EHBP1: variants seen among roughly 807,000 people sequenced by gnomAD.
The protein encoded by EHBP1 is EH domain-binding protein 1.
In EHBP1, 55 loss-of-function variants were observed where a neutral mutation model predicts 144.0. The ratio of observed to expected loss-of-function variants is 0.38; its 90% CI spans 0.31 to 0.48. The LOEUF is 0.48. Among genes scored for constraint, EHBP1 ranks in the 20% least tolerant of loss-of-function variants. The pLI is 0.98. For missense variants in EHBP1, 1,200 were observed against 1,364.2 expected (o/e 0.88, Z 1.90); for synonymous variants, 469 against 472.7 (o/e 0.99, Z 0.10).
rs1260194000 is a variant in EHBP1, at chr2:62,949,015, A to G, written c.2169A>G (p.Leu723=). 1.9e-6 allele frequency: 3 copies of G among 1,613,914 alleles called. No homozygotes were observed. The highest frequency in any genetic ancestry group is 2.5e-6 in the Non-Finnish European group (3 of 1,179,956). Residue 723 remains leucine (L), a synonymous_variant, in exon 13 of 23, where the codon TTA becomes TTG. Coordinates refer to ENST00000431489, the MANE Select transcript of EHBP1 (RefSeq NM_001142616.3). ...AATCTCCTATCAAAAAAACAAGTTTATCTCCTACTTCTAAACTTGGATACT... is the reference window on the plus strand; with the variant it reads ...AATCTCCTATCAAAAAAACAAGTTTGTCTCCTACTTCTAAACTTGGATACT... The part of the protein sequence containing the change: ...DPESPIKKTS[L]SPTSKLGYSY...
chr2:62,796,872 T>C (rs1031573998), intron 5 of EHBP1, among the ~76,000 whole-genome samples: 1 of 152,028 alleles, frequency 6.6e-6, no homozygotes, highest in Non-Finnish European at 1.5e-5. Context: ...GAGGCAGATC[T>C]TTTTCTTTGT....
At chr2:62,722,136 G>GTT (rs1242449417) in intron 2 of EHBP1, among the ~76,000 whole-genome samples, 1 of 144,920 alleles carries the variant, frequency 6.9e-6, no homozygotes, top group Non-Finnish European at 1.5e-5. Flanking sequence ...TAGGAATTTT[G>GTT]TTTTTTTTTT....
At chr2:62,983,289 C>T (rs2059046315) in intron 15 of EHBP1, among the ~76,000 whole-genome samples, 1 of 151,874 alleles carries the variant, frequency 6.6e-6, no homozygotes, top group Admixed American at 6.6e-5. Context: ...TAAATTTCTG[C>T]TTTGGGAATT....
chr2:62,822,098 T>A (rs1280238196), intron 5 of EHBP1, among the ~76,000 whole-genome samples: 1 of 152,224 alleles, frequency 6.6e-6, no homozygotes, highest in Non-Finnish European at 1.5e-5. Flanking sequence ...AGTTTTTTTT[T>A]AACGATGTTT....
intron 13 of EHBP1, among the ~76,000 whole-genome samples, chr2:62,949,633 T>C (rs2057273627): frequency 2.0e-5 from 3 of 152,170 alleles, no homozygotes; most frequent in Admixed American, 2.0e-4. Flanking sequence ...AATAAGAACA[T>C]CATTCTAAAA....
At chr2:62,757,091 A>ACT (rs2040355413) in intron 3 of EHBP1, among the ~76,000 whole-genome samples, 1 of 152,114 alleles carries the variant, frequency 6.6e-6, no homozygotes, top group Non-Finnish European at 1.5e-5. Flanking sequence ...GTACCACTGA[A>ACT]CTCACATAGG....
chr2:63,039,825 C>G (rs1185027664), intron 21 of EHBP1, among the ~76,000 whole-genome samples: 1 of 152,048 alleles, frequency 6.6e-6, no homozygotes, highest in African/African-American at 2.4e-5. Flanking sequence ...CTTTTATATT[C>G]ATAAACTCAT....
chr2:62,787,111 T>C (rs2042860887), intron 5 of EHBP1, among the ~76,000 whole-genome samples: 1 of 152,202 alleles, frequency 6.6e-6, no homozygotes, highest in Non-Finnish European at 1.5e-5. Context: ...TTTAAGTATG[T>C]GCACTATTAT....
chr2:62,731,386 C>G (rs2037584487), intron 2 of EHBP1, among the ~76,000 whole-genome samples: 1 of 152,122 alleles, frequency 6.6e-6, no homozygotes, highest in South Asian at 2.1e-4. Flanking sequence ...TCCTTTCCAA[C>G]CTATATACCT....
chr2:62,990,243 G>T (rs932132068), intron 15 of EHBP1, among the ~76,000 whole-genome samples: 1 of 152,032 alleles, frequency 6.6e-6, no homozygotes, highest in Non-Finnish European at 1.5e-5. Flanking sequence ...GATTCTAATA[G>T]TATGTACATG....
At chr2:62,904,577 G>A (rs2053654603) in intron 10 of EHBP1, among the ~76,000 whole-genome samples, 1 of 152,130 alleles carries the variant, frequency 6.6e-6, no homozygotes, top group Non-Finnish European at 1.5e-5. Flanking sequence ...AACCCCTGAG[G>A]ATTATCAAGG....
intron 21 of EHBP1, among the ~76,000 whole-genome samples, chr2:63,040,422 T>C (rs1240455294): frequency 6.6e-6 from 1 of 152,174 alleles, no homozygotes; most frequent in Non-Finnish European, 1.5e-5. Flanking sequence ...ACACATTAAA[T>C]AATTCAATTT....
intron 5 of EHBP1, among the ~76,000 whole-genome samples, chr2:62,823,613 A>G (rs2046142707): frequency 6.6e-6 from 1 of 152,032 alleles, no homozygotes; most frequent in South Asian, 2.1e-4. Context: ...ACAGATTTAG[A>G]CTTGGTGGTT....
At chr2:62,802,986 A>G (rs888987842) in intron 5 of EHBP1, among the ~76,000 whole-genome samples, 5 of 152,222 alleles carry the variant, frequency 3.3e-5, no homozygotes, top group Non-Finnish European at 7.4e-5. Context: ...TGGCCTCCCA[A>G]AGTGCTGGGA....
At chr2:62,760,932 G>A (rs1444958616) in intron 3 of EHBP1, among the ~76,000 whole-genome samples, 1 of 152,118 alleles carries the variant, frequency 6.6e-6, no homozygotes, top group Non-Finnish European at 1.5e-5. Flanking sequence ...AGGTAGCCTT[G>A]TCTTTTCTGC....
chr2:62,998,581 T>C (rs141109423), intron 19 of EHBP1, among the ~76,000 whole-genome samples: 9 of 152,246 alleles, frequency 5.9e-5, no homozygotes, highest in Middle Eastern at 3.4e-3. Context: ...TCTCCCTCTT[T>C]AGCACTTGGA....
intron 5 of EHBP1, among the ~76,000 whole-genome samples, chr2:62,808,315 C>T (rs1464412528): frequency 7.2e-6 from 1 of 138,090 alleles, no homozygotes; most frequent in Non-Finnish European, 1.6e-5. Context: ...ATTTTTTTTT[C>T]CAGTCTTTTT....
intron 1 of EHBP1, among the ~76,000 whole-genome samples, chr2:62,676,196 T>A (rs2033286281): frequency 6.6e-6 from 1 of 152,118 alleles, no homozygotes; most frequent in Admixed American, 6.5e-5. Flanking sequence ...TGGTTATGAA[T>A]ACTTTCTTAT....
At chr2:62,820,063 T>C (rs2152564665) in intron 5 of EHBP1, among the ~76,000 whole-genome samples, 1 of 151,770 alleles carries the variant, frequency 6.6e-6, no homozygotes, top group South Asian at 2.1e-4. Flanking sequence ...ATACAAAAAT[T>C]AGCCAGGCAT....
Sources: allele counts gnomAD v4.1 joint callset (sites outside exome capture counted in the v4.1 genomes callset), GRCh38; gene constraint gnomAD v4.1.1; transcripts MANE v1.5; gene names NCBI Gene and HGNC (gene_info 2026-07-23, HGNC 2026-07-21).